The following LRIG1 variants were observed in gnomAD, a reference collection of about 807,000 sequenced individuals.
The protein encoded by LRIG1 is leucine rich repeats and immunoglobulin like domains 1, also known as leucine-rich repeats and immunoglobulin-like domains protein 1.
Under a neutral mutation model 99.2 loss-of-function variants are expected in LRIG1, and 48 were observed. The observed-to-expected ratio is 0.48, with a 90% CI of 0.38 to 0.62. The LOEUF (loss-of-function observed/expected upper bound fraction) is 0.62, where lower values mean the gene tolerates loss of function less well. Among genes scored for constraint, LRIG1 ranks in the 20% least tolerant of loss-of-function variants. The probability of loss-of-function intolerance (pLI) is 0.00; values close to 1 mark genes in which losing one functional copy is unlikely to be tolerated. For synonymous variants in LRIG1, 772 were observed against 596.1 expected, an observed-to-expected ratio of 1.29 and a Z score of -4.30; for missense variants, 1,646 against 1,434.4, an observed-to-expected ratio of 1.15 and a Z score of -2.38.
chr3:66,382,790 T>C (rs535561347), intron 15 of LRIG1, among the ~76,000 whole-genome samples, 192 bp downstream of exon 15: 6 of 147,530 alleles, frequency 4.1e-5, no homozygotes, highest in East Asian at 1.9e-4. Flanking sequence ...TATTCCTGTT[T>C]AAGGTTAAAT....
At chr3:66,488,704 C>A (rs1165700076) in intron 1 of LRIG1, among the ~76,000 whole-genome samples, 3 of 152,136 alleles carry the variant, frequency 2.0e-5, no homozygotes, top group Non-Finnish European at 4.4e-5. Flanking sequence ...GAAAGGGATA[C>A]ACGAAAGATC....
At position 66,413,034 on chromosome 3, in the gene LRIG1, A is replaced by G; in HGVS notation, c.648-20T>C. On this transcript the variant is annotated intron_variant, in intron 5 of 18. Coordinates refer to ENST00000273261, the MANE Select transcript of LRIG1 (RefSeq NM_015541.3). ...AGGTCCCTAAAGAGATGAAGCCAGC[A>G]GGGTCAGAGTGTCTTATGTGCATAT... The G allele has an allele frequency of 6.2e-7, 1 of 1,614,126 alleles. No homozygotes were observed. Among genetic ancestry groups the G allele is most frequent in the Non-Finnish European group, 8.5e-7 (1 of 1,179,958 alleles).
chr3:66,500,475 G>A lies in LRIG1; in HGVS notation c.-68C>T, dbSNP rs1268512710. The A allele has an allele frequency of 4.3e-6, 4 of 932,502 alleles. No individual in the cohort carries two copies. The highest frequency in any genetic ancestry group is 3.4e-5 in the East Asian group (1 of 29,544). 57.8% of individuals were successfully genotyped at this position (932,502 alleles called of 1,614,324 possible). On this transcript the variant is annotated 5_prime_UTR_variant, in exon 1 of 19. Coordinates refer to ENST00000273261, the MANE Select transcript of LRIG1 (RefSeq NM_015541.3). Reference sequence around the variant, plus strand: ...AGGACCCGAACGGCCGCAGACGCGGGCGGGCCCGCGGGGCGCTCCGCTCGG... The same window carrying A: ...AGGACCCGAACGGCCGCAGACGCGGACGGGCCCGCGGGGCGCTCCGCTCGG...
intron 3 of LRIG1, among the ~76,000 whole-genome samples, chr3:66,435,794 T>A (rs1195083741): frequency 2.1e-5 from 3 of 141,232 alleles, no homozygotes; most frequent in Non-Finnish European, 4.7e-5. Flanking sequence ...TTTTTTTTTT[T>A]ACAACTGCAT....
At chr3:66,488,146 A>G (rs1701016329) in intron 1 of LRIG1, among the ~76,000 whole-genome samples, 1 of 152,218 alleles carries the variant, frequency 6.6e-6, no homozygotes, top group East Asian at 1.9e-4. Flanking sequence ...AAAAGTGGAC[A>G]TCCAGAACAA....
In LRIG1 at chr3:66,384,138, C is replaced by T. The variant is rs1452065097; in HGVS notation, c.1924G>A (p.Ala642Thr). 7 of 1,614,166 alleles carry T rather than the reference C, an allele frequency of 4.3e-6. No individual in the cohort carries two copies. The South Asian group carries it at 4.4e-5, about 10-fold the overall frequency. Residue 642 changes from alanine to threonine, a missense_variant, in exon 14 of 19, where the codon GCT (alanine) becomes ACT (threonine). Physicochemically the swap from Ala to Thr is moderately conservative, Grantham distance 58. Transcript: ENST00000273261. The stretch of plus-strand genomic sequence containing the variant: ...ACATGCATGCGTCGCTCACGGGCAG[C>T]GGGGAAATCCGTGCCTCCATCCTTC... ...WQKDGGTDFP[A>T]ARERRMHVMP...
intron 1 of LRIG1, among the ~76,000 whole-genome samples, chr3:66,488,808 G>C (rs1279277016): frequency 6.6e-6 from 1 of 152,202 alleles, no homozygotes; most frequent in African/African-American, 2.4e-5. Flanking sequence ...GAATGTGACA[G>C]GTGGCCCATC....
intron 1 of LRIG1, among the ~76,000 whole-genome samples, chr3:66,495,345 G>A (rs558950539): frequency 5.9e-5 from 9 of 152,262 alleles, no homozygotes; most frequent in Admixed American, 2.0e-4. Flanking sequence ...ATTGTAAACA[G>A]CTCTGAATAT....
intron 12 of LRIG1, chr3:66,387,824 G>C (rs1343805149): frequency 6.6e-6 from 1 of 151,912 alleles, no homozygotes; most frequent in Non-Finnish European, 1.5e-5. Flanking sequence ...GTGGCCAGGT[G>C]GGGTGGCTCA....
At chr3:66,424,973 G>A (rs980067321) in intron 3 of LRIG1, among the ~76,000 whole-genome samples, 2 of 152,338 alleles carry the variant, frequency 1.3e-5, no homozygotes, top group African/African-American at 2.4e-5. Context: ...GTATTCAGGA[G>A]GTTAGAGGTA....
chr3:66,482,087 G>A (rs553820431), intron 1 of LRIG1, among the ~76,000 whole-genome samples: 5 of 152,206 alleles, frequency 3.3e-5, no homozygotes, highest in Non-Finnish European at 2.9e-5. Flanking sequence ...GCCACAGACC[G>A]GGCAGCCTGG....
chr3:66,445,165 C>T (rs755149550), intron 3 of LRIG1, among the ~76,000 whole-genome samples: 9 of 152,010 alleles, frequency 5.9e-5, no homozygotes, highest in Admixed American at 2.0e-4. Context: ...CTTAACTCCA[C>T]ACTCTTAATG....
chr3:66,410,387 G>C (rs1702426534), intron 6 of LRIG1, 115 bp from the exon 7 acceptor site: 3 of 982,808 alleles, frequency 3.1e-6, no homozygotes, highest in Admixed American at 2.4e-5. Context: ...GGCTAGAACA[G>C]TGCACGACAG....
In LRIG1 at chr3:66,384,273, C is replaced by G; in HGVS notation, c.1790-1G>C. ...GGCGTTTTGGTGAATGATGGCAACA[C>G]TGGAAAACATACGTATACAGGGTCG... is the stretch of plus-strand genomic sequence containing the variant. On this transcript the variant is annotated splice_acceptor_variant, in intron 13 of 18. Coordinates refer to ENST00000273261, the MANE Select transcript of LRIG1 (RefSeq NM_015541.3). LOFTEE classifies it high-confidence loss of function. 1 of 1,610,072 alleles carries G rather than the reference C, an allele frequency of 6.2e-7. No homozygotes were observed. The highest frequency in any genetic ancestry group is 8.5e-7 in the Non-Finnish European group (1 of 1,176,736).
At position 66,378,990 on chromosome 3, in the gene LRIG1, T is replaced by C. The variant is rs576298642; in HGVS notation, c.*1273A>G. ...TTCACATATTTTGTGGAAGTAAGAT[T>C]AGTCAGTTAACTGTCAAGAACAAAA... On this transcript the variant is annotated 3_prime_UTR_variant, in exon 19 of 19. Transcript: ENST00000273261. 7 of 152,774 alleles carry C rather than the reference T, an allele frequency of 4.6e-5. No individual in the cohort carries two copies. The South Asian group carries it at 1.4e-3, about 32-fold the overall frequency. 9.5% of individuals were successfully genotyped at this position (152,774 alleles called of 1,614,324 possible).
intron 3 of LRIG1, among the ~76,000 whole-genome samples, chr3:66,429,350 G>C (rs1373825890): frequency 6.6e-6 from 1 of 152,196 alleles, no homozygotes; most frequent in African/African-American, 2.4e-5. Context: ...CCCAACTCAT[G>C]AATGACCCAG....
chr3:66,473,249 A>C (rs957723646), intron 1 of LRIG1, among the ~76,000 whole-genome samples: 57 of 152,188 alleles, frequency 3.7e-4, no homozygotes, highest in Admixed American at 6.5e-5. Context: ...ATCCACAAAA[A>C]ATTTTAAGGG....
intron 3 of LRIG1, among the ~76,000 whole-genome samples, chr3:66,420,834 A>G (rs1171353861): frequency 6.6e-6 from 1 of 152,218 alleles, no homozygotes; most frequent in Non-Finnish European, 1.5e-5. Context: ...GTCCATTTTC[A>G]TGCTGCTGAT....
intron 1 of LRIG1, among the ~76,000 whole-genome samples, chr3:66,467,446 G>A (rs569154306): frequency 9.1e-5 from 13 of 143,322 alleles, no homozygotes; most frequent in African/African-American, 3.1e-4. Flanking sequence ...TACAAGCTCC[G>A]TCTCCTGGGT....
Sources: gnomAD v4.1 joint callset for allele counts (sites outside exome capture counted in the v4.1 genomes callset) on GRCh38, gnomAD v4.1.1 for gene constraint, MANE v1.5 for transcripts, NCBI Gene and HGNC (gene_info 2026-07-23, HGNC 2026-07-21) for gene names.